The following CASP6 variants were observed in gnomAD, a reference collection of about 807,000 sequenced individuals.
The protein encoded by CASP6 is caspase-6.
CASP6 carries 20 observed loss-of-function variants against 31.8 expected under a neutral mutation model. That is an observed-to-expected ratio of 0.63 (90% confidence interval 0.44 to 0.91). The LOEUF (loss-of-function observed/expected upper bound fraction) is 0.91, where lower values mean the gene tolerates loss of function less well. Ranked by LOEUF, CASP6 falls within the 40% of genes least tolerant of loss-of-function variation. The pLI is 0.00. For missense variants in CASP6, 328 were observed against 361.1 expected, an observed-to-expected ratio of 0.91 and a Z score of 0.74; for synonymous variants, 130 against 127.8, an observed-to-expected ratio of 1.02 and a Z score of -0.12.
chr4:109,682,066 G>A, the CASP6 span, among the ~76,000 whole-genome samples: 1 of 87,558 alleles, frequency 1.1e-5, no homozygotes, highest in Admixed American at 1.0e-4. Flanking sequence ...TAGCATTTTA[G>A]TGAGTTCTCT....
downstream of CASP6, chr4:109,685,058 A>C: frequency 2.3e-6 from 1 of 425,976 alleles, no homozygotes; most frequent in East Asian, 3.5e-5. Flanking sequence ...CCTGTTTTTG[A>C]AAGGAGCAGC....
At chr4:109,692,610 C>A (rs532538022) in intron 5 of CASP6, 3 of 152,372 alleles carry the variant, frequency 2.0e-5, no homozygotes, top group African/African-American at 7.2e-5. Context: ...TATCTTCCCT[C>A]TTCAGCCCAT....
downstream of CASP6, chr4:109,688,576 T>C (rs774663571): frequency 1.7e-4 from 26 of 152,286 alleles, no homozygotes; most frequent in Admixed American, 4.6e-4. Context: ...AAAAAACATC[T>C]ATCAATTACA....
the CASP6 span, among the ~76,000 whole-genome samples, chr4:109,675,622 A>G: frequency 6.6e-6 from 1 of 152,192 alleles, no homozygotes; most frequent in Non-Finnish European, 1.5e-5. Flanking sequence ...TACTTTGAGT[A>G]TGTTTCCCAA....
At chr4:109,689,656 T>C (rs1309557213) in intron 6 of CASP6, 88 bp from the exon 7 acceptor site, 1 of 1,202,478 alleles carries the variant, frequency 8.3e-7, no homozygotes, top group Admixed American at 2.1e-5. Context: ...GTATAAGTTC[T>C]TAAAAATCCT....
At chr4:109,684,517 C>T (rs754859823), downstream of CASP6, 1 of 1,613,948 alleles carries the variant, frequency 6.2e-7, no homozygotes. Flanking sequence ...CACTGCTGTC[C>T]ATTCAGGGTG....
chr4:109,696,622 A>G, intron 3 of CASP6, 136 bp from the exon 4 acceptor site: 1 of 584,280 alleles, frequency 1.7e-6, no homozygotes, highest in Non-Finnish European at 3.0e-6. Flanking sequence ...GAAATATAAC[A>G]ATGGTGGTTT....
At chr4:109,709,487 T>C in the CASP6 span, among the ~76,000 whole-genome samples, 4 of 152,322 alleles carry the variant, frequency 2.6e-5, no homozygotes, top group African/African-American at 4.8e-5. Context: ...AAGTGACTTA[T>C]TGAAACTGGT....
At chr4:109,670,541 C>A in the CASP6 span, among the ~76,000 whole-genome samples, 1 of 151,938 alleles carries the variant, frequency 6.6e-6, no homozygotes, top group Admixed American at 6.6e-5. Context: ...CATGGTGAAA[C>A]CCTGTCTCTA....
At chr4:109,686,408 G>A (rs1729837695), downstream of CASP6, among the ~76,000 whole-genome samples, 1 of 152,122 alleles carries the variant, frequency 6.6e-6, no homozygotes, top group Non-Finnish European at 1.5e-5. Context: ...CAAAGTGTTA[G>A]GATTACAGGT....
At chr4:109,669,550 T>G in the CASP6 span, among the ~76,000 whole-genome samples, 1 of 152,152 alleles carries the variant, frequency 6.6e-6, no homozygotes, top group Non-Finnish European at 1.5e-5. Flanking sequence ...GGATCTGTGG[T>G]TTGCTATCTG....
At chr4:109,678,221 G>A in the CASP6 span, among the ~76,000 whole-genome samples, 57,274 of 151,566 alleles carry the variant, frequency 0.38, 11,260 homozygotes, top group East Asian at 0.51. Flanking sequence ...ACTTCTTTCT[G>A]CACAGACACA....
At chr4:109,694,753 T>C in intron 4 of CASP6, 53 bp from the exon 5 acceptor site, 1 of 1,417,772 alleles carries the variant, frequency 7.1e-7, no homozygotes, top group Non-Finnish European at 9.4e-7. Context: ...GCTTGTTATC[T>C]ACACATAAAA....
At chr4:109,707,429 C>T (rs145655751), upstream of CASP6, among the ~76,000 whole-genome samples, 1,543 of 151,004 alleles carry the variant, frequency 0.01, 32 homozygotes, top group African/African-American at 0.036. Flanking sequence ...TGTTGTTGCC[C>T]AGGCTGGAGT....
Position 109,689,364 on chromosome 4 carries a change from G to A in CASP6, c.848C>T (p.Thr283Ile), listed in dbSNP as rs1241667055. The change falls in exon 7 of 7, where the codon ACT (threonine) becomes ATT (isoleucine). Residue 283 changes from threonine (T) to isoleucine (I), a missense_variant. By Grantham distance (89) the Thr-to-Ile change is moderately conservative. Transcript: ENST00000265164. ...KQVPCFASML[T>I]KKLHFFPKSN is the part of the protein sequence containing the mutation. Reference sequence around the variant, plus strand: ...TTTTGGAAAGAAATGCAGCTTTTTAGTTAGCATTGAGGCAAAACAGGGAAC... The same window carrying A: ...TTTTGGAAAGAAATGCAGCTTTTTAATTAGCATTGAGGCAAAACAGGGAAC... 2 of 1,614,034 alleles carry A rather than the reference G, an allele frequency of 1.2e-6. No individual in the cohort carries two copies. Among genetic ancestry groups the A allele is most frequent in the Admixed American group, 1.7e-5 (1 of 60,000 alleles).
chr4:109,697,862 C>T, intron 2 of CASP6, 94 bp from the exon 3 acceptor site: 1 of 1,387,356 alleles, frequency 7.2e-7, no homozygotes, highest in Non-Finnish European at 9.8e-7. Flanking sequence ...GAGATCTGAG[C>T]TTCCTCCTTG....
At chr4:109,706,333 A>T (rs1350134236), upstream of CASP6, among the ~76,000 whole-genome samples, 1 of 151,486 alleles carries the variant, frequency 6.6e-6, no homozygotes, top group East Asian at 1.9e-4. Flanking sequence ...AGAAGTAGCA[A>T]GACAAATAGA....
At chr4:109,685,374 T>A (rs747313875), downstream of CASP6, 5 of 1,166,264 alleles carry the variant, frequency 4.3e-6, no homozygotes, top group East Asian at 7.0e-5. Context: ...TAAGGTATAC[T>A]ACAAATACAT....
At chr4:109,684,463 T>A, downstream of CASP6, 1 of 1,612,092 alleles carries the variant, frequency 6.2e-7, no homozygotes, top group Non-Finnish European at 8.5e-7. Context: ...GAATAGAAGC[T>A]CATTCGGAAG....
Sources: gnomAD v4.1 joint callset for allele counts (sites outside exome capture counted in the v4.1 genomes callset) on GRCh38, gnomAD v4.1.1 for gene constraint, MANE v1.5 for transcripts, NCBI Gene and HGNC (gene_info 2026-07-23, HGNC 2026-07-21) for gene names.